The following TNRC6B variants were observed in gnomAD, a reference collection of about 807,000 sequenced individuals.
TNRC6B encodes the protein trinucleotide repeat containing adaptor 6B.
Under a neutral mutation model 203.6 loss-of-function variants are expected in TNRC6B, and 52 were observed. The observed-to-expected ratio is 0.26, with a 90% CI of 0.20 to 0.32. TNRC6B has a LOEUF of 0.32. TNRC6B is among the 10% of genes least tolerant of loss of function. The pLI, the probability that TNRC6B is intolerant of heterozygous loss-of-function variation, is 1.00. For synonymous variants in TNRC6B, 838 were observed against 845.7 expected, an observed-to-expected ratio of 0.99 and a Z score of 0.16; for missense variants, 1,923 against 2,286.2, an observed-to-expected ratio of 0.84 and a Z score of 3.24.
At chr22:40,267,767 G>A (rs1276615588) in intron 5 of TNRC6B, among the ~76,000 whole-genome samples, 1 of 152,198 alleles carries the variant, frequency 6.6e-6, no homozygotes, top group East Asian at 1.9e-4. Context: ...TACTCTAGAG[G>A]CTGAGGTAAG....
chr22:40,160,155 A>G (rs1357513962), intron 4 of TNRC6B, among the ~76,000 whole-genome samples: 3 of 152,080 alleles, frequency 2.0e-5, no homozygotes, highest in South Asian at 2.1e-4. Context: ...ATTCTGTTGA[A>G]TGGATATACT....
At chr22:40,268,566 A>G (rs1163485297) in intron 5 of TNRC6B, among the ~76,000 whole-genome samples, 2 of 152,196 alleles carry the variant, frequency 1.3e-5, no homozygotes, top group Non-Finnish European at 2.9e-5. Context: ...AAAAAGCTAC[A>G]TCCACATAGC....
At chr22:40,139,616 G>A (rs2068628835) in intron 3 of TNRC6B, among the ~76,000 whole-genome samples, 1 of 152,230 alleles carries the variant, frequency 6.6e-6, no homozygotes, top group South Asian at 2.1e-4. Context: ...ACAGGCGCGA[G>A]CCACTGTGCC....
At chr22:40,280,803 G>A (rs1354280040) in intron 10 of TNRC6B, among the ~76,000 whole-genome samples, 2 of 152,178 alleles carry the variant, frequency 1.3e-5, no homozygotes, top group Non-Finnish European at 2.9e-5. Flanking sequence ...CCTGGCTTCT[G>A]TTTCAGCAGC....
intron 1 of TNRC6B, among the ~76,000 whole-genome samples, chr22:40,238,745 G>T (rs564928470): frequency 1.3e-5 from 2 of 152,338 alleles, no homozygotes; most frequent in South Asian, 4.1e-4. Context: ...TCTGTCAGGT[G>T]AACTGTCTTC....
intron 2 of TNRC6B, among the ~76,000 whole-genome samples, chr22:40,250,207 T>G (rs2070170668): frequency 1.3e-5 from 2 of 152,372 alleles, no homozygotes; most frequent in South Asian, 2.1e-4. Flanking sequence ...TCTCAAAAAT[T>G]TAGTGTAACC....
intron 5 of TNRC6B, among the ~76,000 whole-genome samples, chr22:40,269,827 G>C (rs534382124): frequency 6.1e-5 from 9 of 147,544 alleles, no homozygotes; most frequent in Middle Eastern, 3.5e-3. Flanking sequence ...GGTGGAGGTT[G>C]CCATGAGCCA....
intron 1 of TNRC6B, among the ~76,000 whole-genome samples, chr22:40,213,300 G>T (rs2069589483): frequency 2.0e-5 from 3 of 152,308 alleles, no homozygotes; most frequent in South Asian, 2.1e-4. Context: ...CACAAAGCCT[G>T]CAGTGAGAGG....
chr22:40,184,246 G>T (rs1031826794), intron 1 of TNRC6B, among the ~76,000 whole-genome samples: 4 of 152,156 alleles, frequency 2.6e-5, no homozygotes, highest in African/African-American at 9.7e-5. Flanking sequence ...CTCCAGACAC[G>T]ACTGCTGAAG....
intron 1 of TNRC6B, among the ~76,000 whole-genome samples, chr22:40,217,929 C>T (rs115770914): frequency 0.011 from 1,612 of 146,926 alleles, 27 homozygotes; most frequent in African/African-American, 0.038. Flanking sequence ...GCCGAGGTCA[C>T]GCTACTGCAC....
chr22:40,216,806 C>T (rs971885754), intron 1 of TNRC6B, among the ~76,000 whole-genome samples: 2 of 152,104 alleles, frequency 1.3e-5, no homozygotes, highest in African/African-American at 4.8e-5. Context: ...TAGTATTCAT[C>T]GGGAAAGATA....
Position 40,125,947 on chromosome 22 carries a change from A to C in TNRC6B, c.45+85A>C, listed in dbSNP as rs73412614. 17,425 of 1,324,290 alleles carry C rather than the reference A, an allele frequency of 0.013. 1,358 individuals are homozygous for C. The African/African-American group carries it at 0.19, about 15-fold the overall frequency. 82.0% of individuals were successfully genotyped at this position (1,324,290 alleles called of 1,614,324 possible). ...GAGTAGAATGGGTATTTCATTTTACATGACTGTAAAAATTCGATTGAGTTA... is the reference window on the plus strand; with the variant it reads ...GAGTAGAATGGGTATTTCATTTTACCTGACTGTAAAAATTCGATTGAGTTA... On this transcript the variant is annotated intron_variant, in intron 3 of 23. Coordinates refer to the TNRC6B transcript ENST00000301923.
rs754396321 is a variant in TNRC6B, at chr22:40,270,123, C to G, written c.2808C>G (p.Val936=). The G allele has an allele frequency of 2.5e-6, 4 of 1,582,900 alleles. No homozygotes were observed. The highest frequency in any genetic ancestry group is 2.6e-6 in the Non-Finnish European group (3 of 1,163,538). ...PTPMTSKSAS[V]WSKSTPPAPD... is the part of the protein sequence containing the mutation. ...TAGAGACATTTCCTTTCTTTATAGT[C>G]TGGAGCAAAAGCACACCACCTGCTC... Residue 936 remains valine, a splice_region_variant and synonymous_variant, in exon 6 of 23, where the codon GTC becomes GTG. Coordinates refer to ENST00000454349, the MANE Select transcript of TNRC6B (RefSeq NM_001162501.2).
intron 4 of TNRC6B, among the ~76,000 whole-genome samples, chr22:40,158,296 A>G (rs5995827): frequency 0.68 from 102,664 of 151,360 alleles, 36,561 homozygotes; most frequent in African/African-American, 0.9. Flanking sequence ...CTGAGATCAC[A>G]CCATTGCACT....
chr22:40,265,081 G>T lies in TNRC6B; in HGVS notation c.851G>T (p.Trp284Leu). 6.2e-7 allele frequency: 1 copy of T among 1,614,014 alleles called. No homozygotes were observed. Among genetic ancestry groups the T allele is most frequent in the Non-Finnish European group, 8.5e-7 (1 of 1,179,894 alleles). ...TTENNNGLGN[W>L]RNVSGQDRIG... ...GAGAACAACAATGGACTAGGAAATT[G>T]GAGGAATGTGAGTGGTCAGGATAGA... is the stretch of plus-strand genomic sequence containing the variant. Residue 284 changes from tryptophan to leucine, a missense_variant, in exon 5 of 23, where the codon TGG (tryptophan) becomes TTG (leucine). Transcript: ENST00000454349.
intron 3 of TNRC6B, among the ~76,000 whole-genome samples, chr22:40,257,377 A>G (rs1474123090): frequency 1.3e-5 from 2 of 152,176 alleles, no homozygotes; most frequent in Admixed American, 6.5e-5. Context: ...GGGATGAGGA[A>G]GGGGAGGAGA....
chr22:40,335,364 T>TA lies in TNRC6B; in HGVS notation c.*12130dup, dbSNP rs1363881000. 1.3e-5 allele frequency: 2 copies of TA among 150,904 alleles called. No individual in the cohort carries two copies. Among genetic ancestry groups the TA allele is most frequent in the Non-Finnish European group, 2.9e-5 (2 of 67,804 alleles). 9.3% of individuals were successfully genotyped at this position (150,904 alleles called of 1,614,324 possible). A position where few individuals can be genotyped will look rare whatever the true frequency, so the allele number is the denominator to read the frequency against. On this transcript the variant is annotated 3_prime_UTR_variant, in exon 23 of 23. Transcript: ENST00000454349. ...TGGTACTTAAAATCACTGGTTCACT[T>TA]AAAAAAACAAACAATAAAATGTTAA...
At position 40,329,503 on chromosome 22, in the gene TNRC6B, T is replaced by TC. The variant is rs1290096047; in HGVS notation, c.*6264dup. 1 of 152,022 alleles carries TC rather than the reference T, an allele frequency of 6.6e-6. No homozygotes were observed. Among genetic ancestry groups the TC allele is most frequent in the African/African-American group, 2.4e-5 (1 of 41,370 alleles). The allele number at this position is 152,022 out of a possible 1,614,324, so 9.4% of individuals were successfully genotyped here. Reference sequence around the variant, plus strand: ...CTTTAGATTTGAAATAATTATCAGCTCCAAGAATCTGTGAACATAGTAATA... The same window carrying TC: ...CTTTAGATTTGAAATAATTATCAGCTCCCAAGAATCTGTGAACATAGTAATA... On this transcript the variant is annotated 3_prime_UTR_variant, in exon 23 of 23. Transcript: ENST00000454349.
chr22:40,288,083 A>G (rs1403791525), intron 12 of TNRC6B, among the ~76,000 whole-genome samples: 1 of 152,264 alleles, frequency 6.6e-6, no homozygotes, highest in Non-Finnish European at 1.5e-5. Context: ...GAGCTTGTTG[A>G]AACGTACACA....
Sources: allele counts gnomAD v4.1 joint callset (sites outside exome capture counted in the v4.1 genomes callset), GRCh38; gene constraint gnomAD v4.1.1; transcripts MANE v1.5; gene names NCBI Gene and HGNC (gene_info 2026-07-23, HGNC 2026-07-21).